The following AGBL4 variants were observed in gnomAD, a reference collection of about 807,000 sequenced individuals.
AGBL4 encodes the protein AGBL carboxypeptidase 4, also known as cytosolic carboxypeptidase 6.
Under a neutral mutation model 66.4 loss-of-function variants are expected in AGBL4, and 58 were observed. That is an observed-to-expected ratio of 0.87 (90% CI 0.71 to 1.09). The LOEUF (loss-of-function observed/expected upper bound fraction) is 1.09. Among genes scored for constraint, AGBL4 ranks in the 50% least tolerant of loss-of-function variants. The pLI is 0.00. For missense variants in AGBL4, 579 were observed against 631.0 expected (o/e 0.92, Z 0.88); for synonymous variants, 234 against 222.9 (o/e 1.05, Z -0.44).
chr1:49,480,228 G>T (rs974775144), intron 3 of AGBL4, among the ~76,000 whole-genome samples: 1 of 151,894 alleles, frequency 6.6e-6, no homozygotes, highest in African/African-American at 2.4e-5. Context: ...TTCCACAATG[G>T]TTAAACTAAT....
chr1:49,937,182 T>C (rs1191880645), intron 1 of AGBL4, among the ~76,000 whole-genome samples: 1 of 151,540 alleles, frequency 6.6e-6, no homozygotes, highest in Non-Finnish European at 1.5e-5. Flanking sequence ...AAGGCAAGGG[T>C]TGCAATCCTA....
chr1:49,031,432 A>G (rs1406080442), intron 5 of AGBL4, among the ~76,000 whole-genome samples: 1 of 152,160 alleles, frequency 6.6e-6, no homozygotes, highest in Non-Finnish European at 1.5e-5. Context: ...ACTATTTGTC[A>G]ATTAAAAATA....
intron 3 of AGBL4, among the ~76,000 whole-genome samples, chr1:49,632,161 A>G (rs1290861497): frequency 6.6e-6 from 1 of 152,216 alleles, no homozygotes; most frequent in Non-Finnish European, 1.5e-5. Context: ...ACAAACTTAA[A>G]TTTAGGGTTG....
At chr1:48,670,579 C>T (rs1384280395) in intron 6 of AGBL4, among the ~76,000 whole-genome samples, 3 of 152,212 alleles carry the variant, frequency 2.0e-5, no homozygotes, top group Admixed American at 6.5e-5. Context: ...AGTTCTTCTC[C>T]CCAGACAGGC....
intron 6 of AGBL4, among the ~76,000 whole-genome samples, chr1:48,847,694 A>G (rs1023248582): frequency 7.9e-5 from 12 of 152,192 alleles, no homozygotes; most frequent in African/African-American, 1.2e-4. Context: ...GGGGACAGAG[A>G]CGGTGTCTTT....
At chr1:48,731,476 G>C (rs1443715570) in intron 6 of AGBL4, among the ~76,000 whole-genome samples, 1 of 152,290 alleles carries the variant, frequency 6.6e-6, no homozygotes, top group East Asian at 1.9e-4. Context: ...GATACAGTAA[G>C]AAGAGAACTG....
chr1:48,997,761 C>T (rs1661124177), intron 5 of AGBL4, among the ~76,000 whole-genome samples: 2 of 152,156 alleles, frequency 1.3e-5, no homozygotes, highest in Admixed American at 6.5e-5. Flanking sequence ...TATAAAAAAT[C>T]AACCAGACAC....
chr1:49,685,140 A>G (rs904538058), intron 3 of AGBL4, among the ~76,000 whole-genome samples: 3 of 152,178 alleles, frequency 2.0e-5, no homozygotes, highest in Admixed American at 6.6e-5. Context: ...GCTCCCAATT[A>G]TAAGTGAGAA....
At chr1:49,467,924 C>A (rs969705339) in intron 3 of AGBL4, among the ~76,000 whole-genome samples, 4 of 151,688 alleles carry the variant, frequency 2.6e-5, no homozygotes, top group African/African-American at 9.7e-5. Context: ...ACATTTCATG[C>A]TTTTTAACTG....
chr1:49,099,051 T>G (rs527776298), intron 4 of AGBL4, among the ~76,000 whole-genome samples: 5 of 152,162 alleles, frequency 3.3e-5, no homozygotes, highest in Non-Finnish European at 7.3e-5. Context: ...GAAAGCAGTA[T>G]GACTTAGAGC....
At chr1:49,101,141 G>A (rs1645193265) in intron 4 of AGBL4, among the ~76,000 whole-genome samples, 1 of 151,512 alleles carries the variant, frequency 6.6e-6, no homozygotes, top group Non-Finnish European at 1.5e-5. Flanking sequence ...TTTTTCTCAT[G>A]TTTCAAATGA....
chr1:48,622,475 ATTTTTT>A (rs35455455), intron 9 of AGBL4, among the ~76,000 whole-genome samples: 61 of 71,862 alleles, frequency 8.5e-4, no homozygotes, highest in Non-Finnish European at 1.4e-3. Context: ...ATTCAAATAC[ATTTTTT>A]TTTTTTTTTT....
chr1:49,652,556 A>T (rs745384570), intron 3 of AGBL4, among the ~76,000 whole-genome samples: 2 of 152,158 alleles, frequency 1.3e-5, no homozygotes, highest in Non-Finnish European at 2.9e-5. Flanking sequence ...GAGGCACAGC[A>T]GGCTGGAGAC....
chr1:49,168,926 G>A (rs149994194), intron 4 of AGBL4, among the ~76,000 whole-genome samples: 40 of 152,254 alleles, frequency 2.6e-4, no homozygotes, highest in African/African-American at 8.9e-4. Flanking sequence ...ACAACCTAAT[G>A]TATGGAGGGA....
intron 2 of AGBL4, among the ~76,000 whole-genome samples, chr1:49,719,449 C>A (rs1228011388): frequency 6.6e-6 from 1 of 152,118 alleles, no homozygotes; most frequent in Non-Finnish European, 1.5e-5. Context: ...ATCTCTCTTT[C>A]CATAGTAAAT....
intron 5 of AGBL4, among the ~76,000 whole-genome samples, chr1:49,006,033 C>T (rs547662580): frequency 2.0e-5 from 3 of 151,952 alleles, no homozygotes; most frequent in Admixed American, 6.5e-5. Context: ...CCAAGATGGC[C>T]GAATAGGAAC....
At chr1:49,622,637 A>AT in intron 3 of AGBL4, among the ~76,000 whole-genome samples, 1 of 149,838 alleles carries the variant, frequency 6.7e-6, no homozygotes, top group East Asian at 1.9e-4. Context: ...TCAAAAAAAA[A>AT]AAAAAAAAAA....
chr1:48,826,744 T>C (rs1392786047), intron 6 of AGBL4, among the ~76,000 whole-genome samples: 1 of 152,224 alleles, frequency 6.6e-6, no homozygotes, highest in Non-Finnish European at 1.5e-5. Flanking sequence ...CATGCCAGCA[T>C]ATTGCCTATT....
intron 6 of AGBL4, among the ~76,000 whole-genome samples, chr1:48,676,996 G>C (rs1362450828): frequency 6.6e-6 from 1 of 152,110 alleles, no homozygotes; most frequent in Non-Finnish European, 1.5e-5. Context: ...CCTGGGTCTC[G>C]GTTTCACCAT....
Sources: gnomAD v4.1 joint callset for allele counts (sites outside exome capture counted in the v4.1 genomes callset) on GRCh38, gnomAD v4.1.1 for gene constraint, MANE v1.5 for transcripts, NCBI Gene and HGNC (gene_info 2026-07-23, HGNC 2026-07-21) for gene names.